ZNF783: variants seen among roughly 807,000 people sequenced by gnomAD.
The protein encoded by ZNF783 is zinc finger protein 783.
In ZNF783, 25 loss-of-function variants were observed where a neutral mutation model predicts 31.3. The ratio of observed to expected loss-of-function variants is 0.80; its 90% CI spans 0.58 to 1.11. ZNF783 has a LOEUF of 1.11. Ranked by LOEUF, ZNF783 falls within the 50% of genes most tolerant of loss-of-function variation. The probability of loss-of-function intolerance (pLI) is 0.00; values close to 1 mark genes in which losing one functional copy is unlikely to be tolerated. For missense variants in ZNF783, 797 were observed against 760.0 expected, an observed-to-expected ratio of 1.05 and a Z score of -0.57; for synonymous variants, 369 against 319.1, an observed-to-expected ratio of 1.16 and a Z score of -1.66.
chr7:149,265,510 G>A (rs1044234590), intron 1 of ZNF783, among the ~76,000 whole-genome samples: 9 of 152,078 alleles, frequency 5.9e-5, no homozygotes, highest in African/African-American at 9.7e-5. Flanking sequence ...GTATCCTCAC[G>A]TGGCATACAG....
intron 5 of ZNF783, 58 bp downstream of exon 5, chr7:149,278,585 C>T: frequency 6.3e-7 from 1 of 1,593,852 alleles, no homozygotes; most frequent in Non-Finnish European, 8.5e-7. Flanking sequence ...CACGCGATCA[C>T]CAAGCGATGG....
In ZNF783 at chr7:149,282,139, G is replaced by T; in HGVS notation, c.1437G>T (p.Ser479=). The T allele has an allele frequency of 1.9e-6, 3 of 1,600,014 alleles. No homozygotes were observed. Among genetic ancestry groups the T allele is most frequent in the Non-Finnish European group, 2.5e-6 (3 of 1,179,404 alleles). ...PYCGKAFRRP[S]DLFRHQRIHT... ...GCGGCAAGGCCTTCCGCCGGCCCTCGGACCTCTTCCGGCACCAGCGCATCC... is the reference window on the plus strand; with the variant it reads ...GCGGCAAGGCCTTCCGCCGGCCCTCTGACCTCTTCCGGCACCAGCGCATCC... The change falls in exon 6 of 6, where the codon TCG becomes TCT. Residue 479 remains serine (S), a synonymous_variant. Coordinates refer to ENST00000434415, the MANE Select transcript of ZNF783 (RefSeq NM_001195220.2).
At chr7:149,276,407 C>T in intron 4 of ZNF783, 1 of 987,394 alleles carries the variant, frequency 1.0e-6, no homozygotes, top group Non-Finnish European at 1.2e-6. Flanking sequence ...TTAGGATCTG[C>T]TGATGAAGCA....
At chr7:149,269,689 C>CT (rs1563195772) in intron 4 of ZNF783, among the ~76,000 whole-genome samples, 1 of 152,004 alleles carries the variant, frequency 6.6e-6, no homozygotes, top group African/African-American at 2.4e-5. Context: ...TATTATTATA[C>CT]TTTAAGTTTT....
chr7:149,262,413 C>A, intron 1 of ZNF783, 56 bp downstream of exon 1: 5 of 1,200,932 alleles, frequency 4.2e-6, no homozygotes, highest in Non-Finnish European at 5.2e-6. Flanking sequence ...GCCGCGTGAG[C>A]CCGCGCGAGG....
chr7:149,280,557 G>A (rs1413396320), intron 5 of ZNF783, among the ~76,000 whole-genome samples: 1 of 152,160 alleles, frequency 6.6e-6, no homozygotes, highest in African/African-American at 2.4e-5. Context: ...TTTCCCCATC[G>A]TGGTCTGGTC....
At chr7:149,265,233 C>G (rs1347383734) in intron 1 of ZNF783, among the ~76,000 whole-genome samples, 1 of 152,152 alleles carries the variant, frequency 6.6e-6, no homozygotes, top group Non-Finnish European at 1.5e-5. Context: ...CAGCACCAAC[C>G]AGGACTGTGC....
At chr7:149,280,945 C>T (rs1193902828) in intron 5 of ZNF783, among the ~76,000 whole-genome samples, 1 of 152,236 alleles carries the variant, frequency 6.6e-6, no homozygotes, top group Non-Finnish European at 1.5e-5. Flanking sequence ...GGTCCCAGTG[C>T]CTCCTCTCTG....
At chr7:149,265,142 G>T (rs1797034445) in intron 1 of ZNF783, among the ~76,000 whole-genome samples, 1 of 152,166 alleles carries the variant, frequency 6.6e-6, no homozygotes, top group African/African-American at 2.4e-5. Flanking sequence ...TGGAAGTTAG[G>T]ACCTGATGGT....
In ZNF783 at chr7:149,282,656, T is replaced by TAG. The variant is rs1278731450; in HGVS notation, c.*317_*318dup. 1 of 306,668 alleles carries TAG rather than the reference T, an allele frequency of 3.3e-6. No homozygotes were observed. The highest frequency in any genetic ancestry group is 5.9e-6 in the Non-Finnish European group (1 of 168,830). The allele number at this position is 306,668 out of a possible 1,614,324, so 19.0% of individuals were successfully genotyped here. On this transcript the variant is annotated 3_prime_UTR_variant, in exon 6 of 6. Transcript: ENST00000434415. ...CATGGCCCTTCCAGTATGGGGGCGATAGAGACATCGGGGACCTGGGATTTT... is the reference window on the plus strand; with the variant it reads ...CATGGCCCTTCCAGTATGGGGGCGATAGAGAGACATCGGGGACCTGGGATTTT...
rs1183875399 is a variant in ZNF783 at position 149,282,106 on chromosome 7, C to T, written c.1404C>T (p.Cys468=). The T allele has an allele frequency of 1.3e-6, 2 of 1,598,052 alleles. No homozygotes were observed. Among genetic ancestry groups the T allele is most frequent in the South Asian group, 1.1e-5 (1 of 90,966 alleles). ...GCAATGGCCAGGGCTGGCCCGCCTG[C>T]CCCTACTGCGGCAAGGCCTTCCGCC... is the stretch of plus-strand genomic sequence containing the variant. The part of the protein sequence containing the change: ...HTGNGQGWPA[C]PYCGKAFRRP... Residue 468 remains cysteine, a synonymous_variant, in exon 6 of 6, where the codon TGC becomes TGT. Transcript: ENST00000434415.
intron 5 of ZNF783, among the ~76,000 whole-genome samples, chr7:149,280,169 G>A (rs1203573276): frequency 8.4e-5 from 12 of 142,286 alleles, no homozygotes; most frequent in Admixed American, 1.4e-4. Context: ...CCTCCCTCCC[G>A]GACGGGGCGG....
chr7:149,264,021 C>G, intron 1 of ZNF783, among the ~76,000 whole-genome samples: 1 of 152,172 alleles, frequency 6.6e-6, no homozygotes, highest in South Asian at 2.1e-4. Flanking sequence ...TCAGATCACT[C>G]CTGTCCACCT....
At chr7:149,267,074 C>T (rs1415856909) in intron 3 of ZNF783, 23 bp from the exon 4 acceptor site, 3 of 1,603,858 alleles carry the variant, frequency 1.9e-6, no homozygotes, top group Non-Finnish European at 2.5e-6. Flanking sequence ...CCAGCTCTTC[C>T]TCATTTCTTG....
rs1563192970 is a variant in ZNF783 at position 149,263,326 on chromosome 7, T to TA, written c.24+969_24+970insA. On this transcript the variant is annotated intron_variant, in intron 1 of 5. Transcript: ENST00000434415. ...TGTGTATATATATATATATATATAT[T>TA]TTTTTTTTAGACACAGTCTCACTCT... Among the ~76,000 whole-genome samples the TA allele has an allele frequency of 1.2e-4, 16 of 132,596 alleles. 1 individual carries two copies. In the East Asian group the frequency reaches 1.3e-3, roughly 11 times the overall value. The allele number at this position is 132,596 out of a possible 152,430, so 87.0% of individuals were successfully genotyped here. A position where few individuals can be genotyped will look rare whatever the true frequency, so the allele number is the denominator to read the frequency against.
chr7:149,263,260 A>G (rs1796979957), intron 1 of ZNF783, among the ~76,000 whole-genome samples: 1 of 131,976 alleles, frequency 7.6e-6, no homozygotes, highest in Admixed American at 8.0e-5. Flanking sequence ...AAGTATATAT[A>G]TATACGTGTG....
chr7:149,266,379 A>C lies in ZNF783; in HGVS notation c.69A>C (p.Thr23=), dbSNP rs962808449. Residue 23 remains threonine (T), a synonymous_variant, in exon 2 of 6, where the codon ACA becomes ACC. Coordinates refer to ENST00000434415, the MANE Select transcript of ZNF783 (RefSeq NM_001195220.2). ...ACACAGAGGACCAGAGTCCTTCGACACCCTTGCCCCAGCCAGCTGCTGAGA... is the reference window on the plus strand; with the variant it reads ...ACACAGAGGACCAGAGTCCTTCGACCCCCTTGCCCCAGCCAGCTGCTGAGA... ...DKHTEDQSPS[T]PLPQPAAEKN... 428 of 1,598,266 alleles carry C rather than the reference A, an allele frequency of 2.7e-4. No individual in the cohort carries two copies. The highest frequency in any genetic ancestry group is 2.5e-4 in the Non-Finnish European group (290 of 1,179,160).
chr7:149,281,620 G>A lies in ZNF783; in HGVS notation c.918G>A (p.Arg306=), dbSNP rs768141769. The stretch of plus-strand genomic sequence containing the variant: ...AGTGTAGAATCCCCCGAGGGCCCAG[G>A]AACAGGCCTGGGGGCCCCAGCCGTC... ...QTECRIPRGP[R]NRPGGPSRHQ... is the part of the protein sequence containing the mutation. Residue 306 remains arginine (R), a synonymous_variant, in exon 6 of 6, where the codon AGG becomes AGA. Coordinates refer to ENST00000434415, the MANE Select transcript of ZNF783 (RefSeq NM_001195220.2). 2 of 1,549,330 alleles carry A rather than the reference G, an allele frequency of 1.3e-6. No homozygotes were observed. Among genetic ancestry groups the A allele is most frequent in the Non-Finnish European group, 1.7e-6 (2 of 1,159,686 alleles).
At chr7:149,264,091 C>T (rs1039267520) in intron 1 of ZNF783, among the ~76,000 whole-genome samples, 8 of 152,246 alleles carry the variant, frequency 5.3e-5, no homozygotes, top group African/African-American at 1.9e-4. Context: ...GACAGATTTG[C>T]CCTGGACTCT....
Sources: gnomAD v4.1 joint callset for allele counts (sites outside exome capture counted in the v4.1 genomes callset) on GRCh38, gnomAD v4.1.1 for gene constraint, MANE v1.5 for transcripts, NCBI Gene and HGNC (gene_info 2026-07-23, HGNC 2026-07-21) for gene names.